NOX4: variants seen among roughly 807,000 people sequenced by gnomAD.
NOX4 encodes kidney oxidase-1.
In NOX4, 69 loss-of-function variants were observed where a neutral mutation model predicts 87.6. The ratio of observed to expected loss-of-function variants is 0.79; its 90% confidence interval spans 0.65 to 0.96. NOX4 has a LOEUF of 0.96. Among genes scored for constraint, NOX4 ranks in the 40% least tolerant of loss-of-function variants. The pLI, the probability that NOX4 is intolerant of heterozygous loss-of-function variation, is 0.00. For missense variants in NOX4, 680 were observed against 681.5 expected, an observed-to-expected ratio of 1.00 and a Z score of 0.02; for synonymous variants, 275 against 238.2, an observed-to-expected ratio of 1.15 and a Z score of -1.42.
At chr11:89,381,868 C>T (rs1310986510) in intron 11 of NOX4, among the ~76,000 whole-genome samples, 2 of 152,162 alleles carry the variant, frequency 1.3e-5, no homozygotes, top group African/African-American at 2.4e-5. Context: ...ATCCTTCAAC[C>T]TCTTTCTCCT....
chr11:89,498,440 A>G (rs947958869), upstream of NOX4, among the ~76,000 whole-genome samples: 2 of 152,196 alleles, frequency 1.3e-5, no homozygotes, highest in Non-Finnish European at 2.9e-5. Flanking sequence ...TTTATTTATA[A>G]TTGCTATAAA....
At chr11:89,546,547 T>G in the NOX4 span, 1 of 152,206 alleles carries the variant, frequency 6.6e-6, no homozygotes, top group African/African-American at 2.4e-5. Flanking sequence ...ACTTTTCAGT[T>G]TCTTATGGTT....
chr11:89,576,688 A>C, the NOX4 span, among the ~76,000 whole-genome samples: 3 of 152,134 alleles, frequency 2.0e-5, no homozygotes, highest in South Asian at 6.2e-4. Flanking sequence ...ATTTCTCAAA[A>C]AGCTTTTGGC....
chr11:89,526,485 C>T, the NOX4 span, among the ~76,000 whole-genome samples: 2 of 152,138 alleles, frequency 1.3e-5, no homozygotes, highest in South Asian at 2.1e-4. Context: ...TATGGTTAGG[C>T]TTTCTGTTCC....
chr11:89,555,616 C>T, the NOX4 span, among the ~76,000 whole-genome samples: 1 of 151,958 alleles, frequency 6.6e-6, no homozygotes, highest in African/African-American at 2.4e-5. Context: ...AGGCCTTCTC[C>T]AGGTCTTCAG....
At chr11:89,391,752 A>AG (rs1374475286) in intron 11 of NOX4, among the ~76,000 whole-genome samples, 3 of 151,460 alleles carry the variant, frequency 2.0e-5, no homozygotes, top group South Asian at 2.1e-4. Flanking sequence ...AAAAAAAAAA[A>AG]AAAAGAAAGA....
At chr11:89,450,191 C>T (rs746770528) in intron 3 of NOX4, among the ~76,000 whole-genome samples, 2 of 152,122 alleles carry the variant, frequency 1.3e-5, no homozygotes, top group Non-Finnish European at 2.9e-5. Flanking sequence ...CCACAGGGAT[C>T]AAAACCTAGC....
At chr11:89,470,819 T>C (rs11018626) in intron 2 of NOX4, among the ~76,000 whole-genome samples, 14,033 of 152,160 alleles carry the variant, frequency 0.092, 797 homozygotes, top group South Asian at 0.2. Context: ...TTATATTATA[T>C]GCCTCAGTTT....
chr11:89,437,692 C>A (rs555830219), intron 6 of NOX4, among the ~76,000 whole-genome samples: 2 of 152,122 alleles, frequency 1.3e-5, no homozygotes, highest in South Asian at 4.2e-4. Flanking sequence ...CTAGAAGCAG[C>A]CCTTCCCAAC....
chr11:89,523,377 AG>A, the NOX4 span, among the ~76,000 whole-genome samples: 29 of 152,218 alleles, frequency 1.9e-4, 1 homozygote, highest in Non-Finnish European at 4.4e-5. Context: ...GAAGGGCAAA[AG>A]TAAGCTCAGC....
chr11:89,404,272 G>A (rs1334474455), intron 8 of NOX4, among the ~76,000 whole-genome samples: 10 of 152,124 alleles, frequency 6.6e-5, no homozygotes, highest in Admixed American at 6.6e-4. Flanking sequence ...CGGAAGGATA[G>A]TGACTGATAG....
the NOX4 span, among the ~76,000 whole-genome samples, chr11:89,578,165 CTTT>C: frequency 4.3e-5 from 6 of 140,656 alleles, no homozygotes; most frequent in East Asian, 2.1e-4. Context: ...TTATTTAAAT[CTTT>C]TTTTTTTTTT....
intron 8 of NOX4, among the ~76,000 whole-genome samples, chr11:89,416,093 T>A (rs988471983): frequency 1.3e-5 from 2 of 152,106 alleles, no homozygotes; most frequent in African/African-American, 4.8e-5. Flanking sequence ...TGCCTAGGAG[T>A]AGGTAGAATA....
At chr11:89,589,184 T>C in the NOX4 span, among the ~76,000 whole-genome samples, 1 of 152,154 alleles carries the variant, frequency 6.6e-6, no homozygotes, top group Non-Finnish European at 1.5e-5. Flanking sequence ...ACGGTTAGCT[T>C]TTTAAGGACT....
chr11:89,429,131 G>A (rs1943626514), intron 7 of NOX4, among the ~76,000 whole-genome samples: 1 of 152,072 alleles, frequency 6.6e-6, no homozygotes, highest in East Asian at 1.9e-4. Flanking sequence ...ACAAAATGAA[G>A]GCAGAAATAA....
chr11:89,535,117 A>G, the NOX4 span, among the ~76,000 whole-genome samples: 3 of 152,210 alleles, frequency 2.0e-5, no homozygotes, highest in Admixed American at 2.0e-4. Context: ...TCAGAGTAAT[A>G]CAAACACATT....
At chr11:89,415,172 G>C (rs939921934) in intron 8 of NOX4, among the ~76,000 whole-genome samples, 1 of 151,508 alleles carries the variant, frequency 6.6e-6, no homozygotes, top group African/African-American at 2.4e-5. Context: ...AAAAATTAAT[G>C]TGTGTGTGTG....
intron 8 of NOX4, among the ~76,000 whole-genome samples, chr11:89,410,268 A>G (rs1359127187): frequency 1.3e-5 from 2 of 152,296 alleles, no homozygotes; most frequent in African/African-American, 2.4e-5. Context: ...CTAAATATAA[A>G]TGATAGTTAC....
chr11:89,480,691 A>G (rs1463571482), intron 2 of NOX4, among the ~76,000 whole-genome samples: 1 of 152,128 alleles, frequency 6.6e-6, no homozygotes, highest in Non-Finnish European at 1.5e-5. Flanking sequence ...ACCTTGTAGA[A>G]TAGTGGAGAC....
Sources: allele counts gnomAD v4.1 joint callset (sites outside exome capture counted in the v4.1 genomes callset), GRCh38; gene constraint gnomAD v4.1.1; transcripts MANE v1.5; gene names NCBI Gene and HGNC (gene_info 2026-07-23, HGNC 2026-07-21).